The following SIPA1L3 variants were observed in gnomAD, a reference collection of about 807,000 sequenced individuals.
SIPA1L3 encodes the protein signal-induced proliferation-associated 1-like protein 3.
In SIPA1L3, 59 loss-of-function variants were observed where a neutral mutation model predicts 150.1. The observed-to-expected ratio is 0.39, with a 90% CI of 0.32 to 0.49. The LOEUF (loss-of-function observed/expected upper bound fraction) is 0.49, where lower values mean the gene tolerates loss of function less well. SIPA1L3 is among the 20% of genes least tolerant of loss of function. The pLI is 0.86. For synonymous variants in SIPA1L3, 1,070 were observed against 1,077.6 expected (o/e 0.99, Z 0.14); for missense variants, 2,211 against 2,489.5 (o/e 0.89, Z 2.38).
chr19:37,951,607 A>G (rs2046764307), intron 1 of SIPA1L3, among the ~76,000 whole-genome samples: 1 of 152,156 alleles, frequency 6.6e-6, no homozygotes, highest in Non-Finnish European at 1.5e-5. Flanking sequence ...ACAACTTAAA[A>G]AAAGCCCCGG....
chr19:38,001,071 T>G (rs1487559021), intron 1 of SIPA1L3, among the ~76,000 whole-genome samples: 3 of 151,120 alleles, frequency 2.0e-5, no homozygotes, highest in Non-Finnish European at 4.4e-5. Context: ...ATCACATATA[T>G]ATCACATATA....
chr19:38,117,998 G>A (rs745436484), intron 8 of SIPA1L3, among the ~76,000 whole-genome samples: 7 of 152,060 alleles, frequency 4.6e-5, no homozygotes, highest in Non-Finnish European at 7.4e-5. Flanking sequence ...TTTTGATAGC[G>A]CCTCCATCAA....
chr19:38,176,528 C>G (rs1286326365), intron 15 of SIPA1L3, among the ~76,000 whole-genome samples: 1 of 152,058 alleles, frequency 6.6e-6, no homozygotes, highest in East Asian at 1.9e-4. Flanking sequence ...TCCCAAGTAG[C>G]TGGGACTACA....
chr19:37,981,202 G>A (rs1967192488), intron 1 of SIPA1L3, among the ~76,000 whole-genome samples: 1 of 152,132 alleles, frequency 6.6e-6, no homozygotes, highest in South Asian at 2.1e-4. Context: ...GGAGGCTGAA[G>A]CGGAAGGATT....
At chr19:37,958,237 C>A (rs1450326069) in intron 1 of SIPA1L3, among the ~76,000 whole-genome samples, 1 of 152,000 alleles carries the variant, frequency 6.6e-6, no homozygotes, top group African/African-American at 2.4e-5. Flanking sequence ...AGTTTGAGAC[C>A]AGCCCAGGCA....
In SIPA1L3 at chr19:38,081,721, G is replaced by A. The variant is rs1391530983; in HGVS notation, c.156G>A (p.Glu52=). ...GCAGCATGTCCCAGCCTCTTGGCGAGAGCCCGGCCACCGCCACCGCCACCG... is the reference window on the plus strand; with the variant it reads ...GCAGCATGTCCCAGCCTCTTGGCGAAAGCCCGGCCACCGCCACCGCCACCG... The part of the protein sequence containing the change: ...QNGSMSQPLG[E]SPATATATAT... The change falls in exon 3 of 22, where the codon GAG becomes GAA. Residue 52 remains glutamate (E), a synonymous_variant. Transcript: ENST00000222345. 1.9e-6 allele frequency: 3 copies of A among 1,605,982 alleles called. No individual in the cohort carries two copies. Among genetic ancestry groups the A allele is most frequent in the African/African-American group, 2.7e-5 (2 of 74,822 alleles).
intron 1 of SIPA1L3, among the ~76,000 whole-genome samples, chr19:37,997,475 C>T (rs978879645): frequency 2.1e-5 from 3 of 145,528 alleles, no homozygotes; most frequent in Admixed American, 7.1e-5. Context: ...GGCTGAGGCA[C>T]GAGAATCACT....
chr19:37,988,518 A>G (rs1235886726), intron 1 of SIPA1L3, among the ~76,000 whole-genome samples: 1 of 152,060 alleles, frequency 6.6e-6, no homozygotes, highest in African/African-American at 2.4e-5. Flanking sequence ...TCTAGTAAAA[A>G]TACAGAAATG....
intron 14 of SIPA1L3, among the ~76,000 whole-genome samples, chr19:38,163,401 A>G (rs968541728): frequency 7.9e-5 from 12 of 151,604 alleles, no homozygotes; most frequent in African/African-American, 2.9e-4. Flanking sequence ...GAGGCACAAG[A>G]ATTGCTTGAA....
At chr19:38,168,279 C>T (rs1261203606) in intron 15 of SIPA1L3, among the ~76,000 whole-genome samples, 2 of 151,830 alleles carry the variant, frequency 1.3e-5, no homozygotes, top group East Asian at 1.9e-4. Flanking sequence ...CCCAGCTACT[C>T]GGGAGGCTGA....
intron 1 of SIPA1L3, among the ~76,000 whole-genome samples, chr19:37,940,945 A>T (rs1160354462): frequency 6.6e-6 from 1 of 152,074 alleles, no homozygotes. Flanking sequence ...TTTGTCCTGT[A>T]TATGATCAGG....
chr19:37,966,182 C>T lies in SIPA1L3; in HGVS notation c.-379+58824C>T, dbSNP rs1386772253. ...TTTTAATGCTGCCCACTGCAGCCTT[C>T]ATCCAGAAACACTGATCTGTTTGAA... On this transcript the variant is annotated intron_variant, in intron 1 of 21. Transcript: ENST00000222345. Among the ~76,000 whole-genome samples the T allele has an allele frequency of 3.3e-5, 5 of 152,176 alleles. No homozygotes were observed. In the East Asian group the frequency reaches 7.7e-4, roughly 23 times the overall value.
intron 1 of SIPA1L3, among the ~76,000 whole-genome samples, chr19:37,935,027 A>C (rs1373915385): frequency 6.6e-6 from 1 of 152,154 alleles, no homozygotes; most frequent in African/African-American, 2.4e-5. Context: ...ATTAGATTGC[A>C]GATGTCCAAC....
At chr19:38,148,457 C>T (rs977425604) in intron 12 of SIPA1L3, among the ~76,000 whole-genome samples, 1 of 151,952 alleles carries the variant, frequency 6.6e-6, no homozygotes, top group Non-Finnish European at 1.5e-5. Flanking sequence ...TGAGGATTTA[C>T]TCAAGTCACG....
intron 1 of SIPA1L3, among the ~76,000 whole-genome samples, chr19:38,000,989 T>C (rs1967791287): frequency 6.8e-6 from 1 of 148,016 alleles, no homozygotes; most frequent in Non-Finnish European, 1.5e-5. Context: ...AACACACATA[T>C]ATATAACACA....
intron 2 of SIPA1L3, among the ~76,000 whole-genome samples, chr19:38,048,201 T>C (rs1431075022): frequency 6.6e-6 from 1 of 152,222 alleles, no homozygotes; most frequent in East Asian, 1.9e-4. Context: ...AGGATGCTTT[T>C]TAGTTGCAAG....
intron 8 of SIPA1L3, among the ~76,000 whole-genome samples, chr19:38,112,336 A>G (rs1236547046): frequency 6.6e-6 from 1 of 152,208 alleles, no homozygotes; most frequent in East Asian, 1.9e-4. Flanking sequence ...ACACTGGAAA[A>G]GGAGGCAGCC....
At position 38,046,968 on chromosome 19, in the gene SIPA1L3, C is replaced by G. The variant is rs1969074123; in HGVS notation, c.-311+17812C>G. On this transcript the variant is annotated intron_variant, in intron 2 of 21. Coordinates refer to ENST00000222345, the MANE Select transcript of SIPA1L3 (RefSeq NM_015073.3). This position sits in a 1 kb window ranked among gnomAD's most constrained non-coding sequence, Gnocchi z 5.6. ...TGGTTGAGTGGCTCTTCCAGAGACC[C>G]TTAAGTGGATGGGCTCCCCAGCCAG... Among the ~76,000 whole-genome samples the G allele has an allele frequency of 6.6e-6, 1 of 152,180 alleles. No homozygotes were observed.
chr19:37,959,960 C>G (rs1383795308), intron 1 of SIPA1L3, among the ~76,000 whole-genome samples: 1 of 151,582 alleles, frequency 6.6e-6, no homozygotes, highest in Non-Finnish European at 1.5e-5. Flanking sequence ...TCTTTTCCCT[C>G]TTTTGTGTTA....
Sources: allele counts gnomAD v4.1 joint callset (sites outside exome capture counted in the v4.1 genomes callset), GRCh38; gene constraint gnomAD v4.1.1; non-coding constraint Gnocchi (gnomAD v3.1); transcripts MANE v1.5; gene names NCBI Gene and HGNC (gene_info 2026-07-23, HGNC 2026-07-21).